The following PDZRN4 variants were observed in gnomAD, a reference collection of about 807,000 sequenced individuals.
The protein encoded by PDZRN4 is PDZ domain-containing RING finger protein 4.
PDZRN4 carries 70 observed loss-of-function variants against 99.0 expected under a neutral mutation model. That is an observed-to-expected ratio of 0.71 (90% CI 0.58 to 0.86). The LOEUF (loss-of-function observed/expected upper bound fraction) is 0.86. Among genes scored for constraint, PDZRN4 ranks in the 40% least tolerant of loss-of-function variants. The pLI, the probability that PDZRN4 is intolerant of heterozygous loss-of-function variation, is 0.00. For synonymous variants in PDZRN4, 551 were observed against 501.6 expected, an observed-to-expected ratio of 1.10 and a Z score of -1.32; for missense variants, 1,474 against 1,331.2, an observed-to-expected ratio of 1.11 and a Z score of -1.67.
At position 41,572,520 on chromosome 12, in the gene PDZRN4, T is replaced by A. The variant is rs1442057656; in HGVS notation, c.1741T>A (p.Ser581Thr). The A allele has an allele frequency of 1.2e-6, 2 of 1,613,918 alleles. No individual in the cohort carries two copies. The highest frequency in any genetic ancestry group is 4.5e-5 in the East Asian group (2 of 44,858). ...TGCAGCCGAGGACCCCAATAGCACATCTTTGAAGAGCAAGAGAGACCTGGG... is the reference window on the plus strand; with the variant it reads ...TGCAGCCGAGGACCCCAATAGCACAACTTTGAAGAGCAAGAGAGACCTGGG... ...ENAAEDPNST[S>T]LKSKRDLGQS... The change falls in exon 10 of 10, where the codon TCT (serine) becomes ACT (threonine). Residue 581 changes from serine to threonine, a missense_variant. Coordinates refer to ENST00000402685, the MANE Select transcript of PDZRN4 (RefSeq NM_001164595.2).
chr12:41,503,703 G>T (rs765221243), intron 3 of PDZRN4, among the ~76,000 whole-genome samples: 2 of 152,098 alleles, frequency 1.3e-5, no homozygotes, highest in Non-Finnish European at 2.9e-5. Flanking sequence ...AACATGTAAG[G>T]CTGAGGAAAA....
At chr12:41,364,369 GAC>G (rs1951983229) in intron 3 of PDZRN4, among the ~76,000 whole-genome samples, 3 of 152,072 alleles carry the variant, frequency 2.0e-5, no homozygotes, top group Admixed American at 1.3e-4. Flanking sequence ...GGATTTTGCT[GAC>G]AATGAAGGTT....
At chr12:41,327,340 C>G (rs1220335919) in intron 3 of PDZRN4, among the ~76,000 whole-genome samples, 1 of 152,218 alleles carries the variant, frequency 6.6e-6, no homozygotes, top group Non-Finnish European at 1.5e-5. Context: ...GCACAAGCCT[C>G]TCTCTGTTCT....
intron 3 of PDZRN4, among the ~76,000 whole-genome samples, chr12:41,237,225 A>G (rs913861314): frequency 2.6e-5 from 4 of 152,140 alleles, no homozygotes; most frequent in African/African-American, 7.2e-5. Context: ...GACAGAGCAT[A>G]CAGTCCAGAA....
At chr12:41,193,561 G>A (rs1299717901) in intron 2 of PDZRN4, among the ~76,000 whole-genome samples, 1 of 152,088 alleles carries the variant, frequency 6.6e-6, no homozygotes, top group African/African-American at 2.4e-5. Flanking sequence ...GTGATCTTTT[G>A]GGATTTTACA....
At chr12:41,519,160 C>A (rs1186596174) in intron 5 of PDZRN4, among the ~76,000 whole-genome samples, 1 of 151,898 alleles carries the variant, frequency 6.6e-6, no homozygotes, top group Non-Finnish European at 1.5e-5. Context: ...AGTTGAAGGA[C>A]ATTTTAAATG....
At chr12:41,315,873 AC>A (rs1951635157) in intron 3 of PDZRN4, among the ~76,000 whole-genome samples, 1 of 152,070 alleles carries the variant, frequency 6.6e-6, no homozygotes, top group African/African-American at 2.4e-5. Flanking sequence ...TTGCAACCCA[AC>A]ATAAATCAAA....
chr12:41,212,119 C>T (rs1016769087), intron 3 of PDZRN4, among the ~76,000 whole-genome samples: 4 of 151,840 alleles, frequency 2.6e-5, no homozygotes, highest in African/African-American at 7.3e-5. Flanking sequence ...TTGCCTTATA[C>T]CAGTACATGT....
At chr12:41,468,111 C>T (rs1952946979) in intron 3 of PDZRN4, among the ~76,000 whole-genome samples, 1 of 152,124 alleles carries the variant, frequency 6.6e-6, no homozygotes. Flanking sequence ...ATTTACATCC[C>T]AGTGTGAGGG....
chr12:41,205,803 T>C (rs1950845919), intron 3 of PDZRN4, among the ~76,000 whole-genome samples: 1 of 151,872 alleles, frequency 6.6e-6, no homozygotes, highest in Admixed American at 6.6e-5. Context: ...GATCAAAAAG[T>C]GAAGTTATGC....
At chr12:41,543,496 C>T (rs1938896683) in intron 5 of PDZRN4, among the ~76,000 whole-genome samples, 1 of 152,126 alleles carries the variant, frequency 6.6e-6, no homozygotes, top group Non-Finnish European at 1.5e-5. Flanking sequence ...GACTACAGTC[C>T]AAGAAACAGA....
intron 3 of PDZRN4, among the ~76,000 whole-genome samples, chr12:41,213,310 G>A (rs112857112): frequency 6.6e-6 from 1 of 152,170 alleles, no homozygotes; most frequent in East Asian, 1.9e-4. Flanking sequence ...CAGATGCCAG[G>A]TGGCAGTGGT....
At chr12:41,332,891 A>G (rs1951749739) in intron 3 of PDZRN4, among the ~76,000 whole-genome samples, 1 of 152,092 alleles carries the variant, frequency 6.6e-6, no homozygotes, top group African/African-American at 2.4e-5. Context: ...GTTCAGTGGG[A>G]GCCAAGTTAC....
intron 3 of PDZRN4, among the ~76,000 whole-genome samples, chr12:41,229,214 C>G (rs775367279): frequency 2.2e-4 from 34 of 151,264 alleles, no homozygotes; most frequent in Non-Finnish European, 4.6e-4. Context: ...AATAATGTGC[C>G]TGTTTAACTT....
At chr12:41,438,815 G>T (rs975374617) in intron 3 of PDZRN4, among the ~76,000 whole-genome samples, 1 of 152,230 alleles carries the variant, frequency 6.6e-6, no homozygotes, top group Non-Finnish European at 1.5e-5. Flanking sequence ...TCCCCTGGGA[G>T]TGTATGCTCA....
chr12:41,516,790 G>T (rs576598262), intron 5 of PDZRN4, among the ~76,000 whole-genome samples: 5 of 150,026 alleles, frequency 3.3e-5, no homozygotes, highest in Admixed American at 2.0e-4. Context: ...TTTTACTTTC[G>T]AAAGTATCCT....
At chr12:41,347,950 CT>C (rs1191763679) in intron 3 of PDZRN4, among the ~76,000 whole-genome samples, 4 of 151,890 alleles carry the variant, frequency 2.6e-5, no homozygotes, top group Non-Finnish European at 5.9e-5. Flanking sequence ...AAATTTGCCC[CT>C]GAGGGATTTT....
In PDZRN4 at chr12:41,265,375, A is replaced by G. The variant is rs555529619; in HGVS notation, c.843+71187A>G. Among the ~76,000 whole-genome samples the G allele has an allele frequency of 3.3e-5, 5 of 152,320 alleles. No homozygotes were observed. In the East Asian group the frequency reaches 9.6e-4, roughly 29 times the overall value. ...AACCAGTTTATATAATTTAACATAGATTTAAAGTTTTATTTAATTCAAATA... is the reference window on the plus strand; with the variant it reads ...AACCAGTTTATATAATTTAACATAGGTTTAAAGTTTTATTTAATTCAAATA... On this transcript the variant is annotated intron_variant, in intron 3 of 9. Coordinates refer to ENST00000402685, the MANE Select transcript of PDZRN4 (RefSeq NM_001164595.2).
At chr12:41,306,875 C>T (rs901958121) in intron 3 of PDZRN4, among the ~76,000 whole-genome samples, 1 of 152,188 alleles carries the variant, frequency 6.6e-6, no homozygotes, top group African/African-American at 2.4e-5. Flanking sequence ...AGATACTCCT[C>T]ATTTCCATCT....
Sources: allele counts gnomAD v4.1 joint callset (sites outside exome capture counted in the v4.1 genomes callset), GRCh38; gene constraint gnomAD v4.1.1; transcripts MANE v1.5; gene names NCBI Gene and HGNC (gene_info 2026-07-23, HGNC 2026-07-21).